Variants in ZCWPW2 observed in about 807,000 individuals in gnomAD.
The protein encoded by ZCWPW2 is zinc finger CW-type and PWWP domain containing 2, also known as zinc finger CW-type PWWP domain protein 2.
ZCWPW2 carries 45 observed loss-of-function variants against 46.6 expected under a neutral mutation model. The ratio of observed to expected loss-of-function variants is 0.96; its 90% CI spans 0.76 to 1.24. ZCWPW2 has a LOEUF of 1.24. Ranked by LOEUF, ZCWPW2 falls within the 50% of genes most tolerant of loss-of-function variation. The pLI is 0.00. For missense variants in ZCWPW2, 429 were observed against 403.9 expected, an observed-to-expected ratio of 1.06 and a Z score of -0.53; for synonymous variants, 152 against 137.1, an observed-to-expected ratio of 1.11 and a Z score of -0.76.
chr3:28,368,577 T>C (rs1378672234), intron 1 of ZCWPW2, among the ~76,000 whole-genome samples: 1 of 152,208 alleles, frequency 6.6e-6, no homozygotes, highest in African/African-American at 2.4e-5. Flanking sequence ...CCTTTCTCTC[T>C]GGCTGCCCTT....
chr3:28,371,914 TTTC>T (rs1705346342), intron 1 of ZCWPW2, among the ~76,000 whole-genome samples: 2 of 152,110 alleles, frequency 1.3e-5, no homozygotes, highest in Non-Finnish European at 2.9e-5. Flanking sequence ...TTTCTCCTGC[TTTC>T]TTCTTCTCTT....
chr3:28,383,713 A>T (rs548969432), intron 1 of ZCWPW2, among the ~76,000 whole-genome samples: 1 of 152,216 alleles, frequency 6.6e-6, no homozygotes, highest in African/African-American at 2.4e-5. Context: ...GGACCTCTTC[A>T]ATTCTAAAAT....
At chr3:28,398,076 C>G (rs1355391351) in intron 2 of ZCWPW2, 2 of 152,216 alleles carry the variant, frequency 1.3e-5, no homozygotes, top group Non-Finnish European at 2.9e-5. Context: ...TTACCGTAGA[C>G]TGGGTGGCTT....
intron 4 of ZCWPW2, among the ~76,000 whole-genome samples, chr3:28,465,966 T>C (rs758839912): frequency 6.6e-6 from 1 of 152,138 alleles, no homozygotes; most frequent in Non-Finnish European, 1.5e-5. Context: ...GAAAATGTAG[T>C]ACATAGACAC....
rs144096619 is a variant in ZCWPW2, at chr3:28,380,278, C to T, written c.-133-10220C>T. Among the ~76,000 whole-genome samples, 438 of 152,216 alleles carry T rather than the reference C, an allele frequency of 2.9e-3. 6 individuals are homozygous for T. The highest frequency in any genetic ancestry group is 9.8e-3 in the African/African-American group (408 of 41,528). ...GGATTACAGGCATGAGCCACCACGC[C>T]CGGCCAGTTTATTTTTTTTTATGCT... On this transcript the variant is annotated intron_variant, in intron 1 of 9. Transcript: ENST00000383768.
intron 6 of ZCWPW2, among the ~76,000 whole-genome samples, chr3:28,511,808 A>T (rs992234447): frequency 1.3e-5 from 2 of 151,806 alleles, no homozygotes; most frequent in Admixed American, 6.6e-5. Context: ...ACTTATCTTC[A>T]CTTCTTTTTG....
At chr3:28,375,426 C>T (rs768833455) in intron 1 of ZCWPW2, among the ~76,000 whole-genome samples, 2 of 151,980 alleles carry the variant, frequency 1.3e-5, no homozygotes, top group Non-Finnish European at 2.9e-5. Flanking sequence ...CTCTTCCTTT[C>T]ATTCTTTCTT....
At chr3:28,356,775 G>A (rs1559471276) in intron 1 of ZCWPW2, among the ~76,000 whole-genome samples, 2 of 152,154 alleles carry the variant, frequency 1.3e-5, no homozygotes, top group Admixed American at 1.3e-4. Flanking sequence ...AACACCGCAT[G>A]TTCTCACTCA....
intron 2 of ZCWPW2, among the ~76,000 whole-genome samples, chr3:28,403,924 C>A (rs1395198682): frequency 1.3e-5 from 2 of 152,096 alleles, no homozygotes; most frequent in African/African-American, 2.4e-5. Context: ...AATCTAAAAC[C>A]TGAAACTATA....
At chr3:28,386,391 A>G (rs1254391740) in intron 1 of ZCWPW2, among the ~76,000 whole-genome samples, 1 of 152,166 alleles carries the variant, frequency 6.6e-6, no homozygotes, top group Non-Finnish European at 1.5e-5. Flanking sequence ...AACTCTAAGA[A>G]AATTAATAAG....
intron 1 of ZCWPW2, among the ~76,000 whole-genome samples, chr3:28,373,456 T>G (rs1273448258): frequency 6.6e-6 from 1 of 152,038 alleles, no homozygotes; most frequent in African/African-American, 2.4e-5. Context: ...GTATGTTGTT[T>G]TTTTTTGTTT....
chr3:28,446,056 T>C (rs1697978360), intron 4 of ZCWPW2, among the ~76,000 whole-genome samples: 1 of 151,972 alleles, frequency 6.6e-6, no homozygotes, highest in African/African-American at 2.4e-5. Context: ...AAGGGAGAAA[T>C]GGACAGTTCA....
In ZCWPW2 at chr3:28,365,586, C is replaced by T. The variant is rs553310714; in HGVS notation, c.-134+16383C>T. 8.5e-5 allele frequency among the ~76,000 whole-genome samples: 12 copies of T among 141,034 alleles called. 2 individuals are homozygous for T. Among genetic ancestry groups the T allele is most frequent in the African/African-American group, 3.0e-4 (12 of 39,624 alleles). The allele number at this position is 141,034 out of a possible 152,430, so 92.5% of individuals were successfully genotyped here. A position where few individuals can be genotyped will look rare whatever the true frequency, so the allele number is the denominator to read the frequency against. On this transcript the variant is annotated intron_variant, in intron 1 of 9. Coordinates refer to ENST00000383768, the MANE Select transcript of ZCWPW2 (RefSeq NM_001040432.4). ...AGTTTGAAGTCAGGTAGCGTGATGC[C>T]TCCAGCTTTGTTCTTTTGGCTTAGG... is the stretch of plus-strand genomic sequence containing the variant.
At chr3:28,368,328 T>G (rs897442090) in intron 1 of ZCWPW2, among the ~76,000 whole-genome samples, 2 of 152,154 alleles carry the variant, frequency 1.3e-5, no homozygotes, top group African/African-American at 4.8e-5. Context: ...GGAGCTCTTG[T>G]AGAGGCCTGC....
At chr3:28,452,082 G>A (rs1258497941) in intron 4 of ZCWPW2, among the ~76,000 whole-genome samples, 1 of 152,112 alleles carries the variant, frequency 6.6e-6, no homozygotes, top group Non-Finnish European at 1.5e-5. Context: ...ACATATTTGT[G>A]AATAATCTTC....
At chr3:28,394,730 T>C (rs1428435653) in intron 2 of ZCWPW2, among the ~76,000 whole-genome samples, 1 of 152,078 alleles carries the variant, frequency 6.6e-6, no homozygotes, top group Admixed American at 6.5e-5. Context: ...AATTGGACCA[T>C]TATCTTACAT....
rs1027277001 is a variant in ZCWPW2 at position 28,524,899 on chromosome 3, A to C, written c.*211A>C. ...TTAGTGTTAAAAATTTAGAATTAAA[A>C]AACCCTGATATTTGTATTTATATAT... is the stretch of plus-strand genomic sequence containing the variant. On this transcript the variant is annotated 3_prime_UTR_variant, in exon 10 of 10. Transcript: ENST00000383768. 5.2e-5 allele frequency: 15 copies of C among 285,918 alleles called. No individual in the cohort carries two copies. The highest frequency in any genetic ancestry group is 2.8e-4 in the African/African-American group (13 of 45,824). The allele number at this position is 285,918 out of a possible 1,614,324, so 17.7% of individuals were successfully genotyped here.
chr3:28,502,401 T>C (rs1276310201), intron 6 of ZCWPW2, among the ~76,000 whole-genome samples: 1 of 152,240 alleles, frequency 6.6e-6, no homozygotes, highest in Non-Finnish European at 1.5e-5. Context: ...AAAAAGTCTA[T>C]GTTGAGACTT....
At chr3:28,425,704 G>T (rs553206987) in intron 3 of ZCWPW2, among the ~76,000 whole-genome samples, 1 of 152,152 alleles carries the variant, frequency 6.6e-6, no homozygotes, top group Admixed American at 6.5e-5. Flanking sequence ...ACAAATAATT[G>T]TCAAGAGAAT....
Sources: allele counts gnomAD v4.1 joint callset (sites outside exome capture counted in the v4.1 genomes callset), GRCh38; gene constraint gnomAD v4.1.1; transcripts MANE v1.5; gene names NCBI Gene and HGNC (gene_info 2026-07-23, HGNC 2026-07-21).